The following SRGAP3 variants were observed in gnomAD, a reference collection of about 807,000 sequenced individuals.
The protein encoded by SRGAP3 is SLIT-ROBO Rho GTPase-activating protein 3.
SRGAP3 carries 39 observed loss-of-function variants against 121.1 expected under a neutral mutation model. That is an observed-to-expected ratio of 0.32 (90% CI 0.25 to 0.42). The LOEUF is 0.42. Among genes scored for constraint, SRGAP3 ranks in the 10% least tolerant of loss-of-function variants. SRGAP3 has a pLI of 1.00. For synonymous variants in SRGAP3, 601 were observed against 570.0 expected (o/e 1.05, Z -0.77); for missense variants, 1,213 against 1,470.6 (o/e 0.82, Z 2.86).
At chr3:9,335,919 A>G (rs1280827244) in intron 1 of SRGAP3, among the ~76,000 whole-genome samples, 1 of 152,108 alleles carries the variant, frequency 6.6e-6, no homozygotes, top group Non-Finnish European at 1.5e-5. Flanking sequence ...GAATTTTTAA[A>G]TGACTCTAAT....
At chr3:9,110,911 G>A (rs1948600342) in intron 2 of SRGAP3, among the ~76,000 whole-genome samples, 1 of 152,248 alleles carries the variant, frequency 6.6e-6, no homozygotes, top group African/African-American at 2.4e-5. Flanking sequence ...AAAGCCACCT[G>A]GACGTGGGCA....
At chr3:9,078,282 T>C (rs2669990) in intron 4 of SRGAP3, among the ~76,000 whole-genome samples, 55,599 of 151,830 alleles carry the variant, frequency 0.37, 10,517 homozygotes, top group East Asian at 0.54. Flanking sequence ...TCCCAGGACA[T>C]TGGGGCTAAG....
chr3:9,345,658 C>T (rs1955874388), intron 1 of SRGAP3, among the ~76,000 whole-genome samples: 1 of 151,180 alleles, frequency 6.6e-6, no homozygotes, highest in African/African-American at 2.4e-5. Context: ...TGGTGGCAGG[C>T]ACCTGTAATC....
upstream of SRGAP3, among the ~76,000 whole-genome samples, chr3:9,253,887 A>T (rs1954069064): frequency 6.6e-6 from 1 of 152,236 alleles, no homozygotes; most frequent in Non-Finnish European, 1.5e-5. Flanking sequence ...TTCATTGGTA[A>T]GGAAATACGT....
At chr3:9,241,356 A>G (rs1413872064) in intron 1 of SRGAP3, among the ~76,000 whole-genome samples, 1 of 152,238 alleles carries the variant, frequency 6.6e-6, no homozygotes, top group Non-Finnish European at 1.5e-5. Flanking sequence ...TGTCATCTCC[A>G]ACATATAAAC....
chr3:9,279,715 A>T (rs367839840), intron 3 of SRGAP3, among the ~76,000 whole-genome samples: 4 of 151,904 alleles, frequency 2.6e-5, no homozygotes, highest in Non-Finnish European at 5.9e-5. Flanking sequence ...GGGTTTCACC[A>T]TCTTGACCAA....
intron 1 of SRGAP3, among the ~76,000 whole-genome samples, chr3:9,208,980 G>GC (rs1361294483): frequency 6.6e-6 from 1 of 152,236 alleles, no homozygotes; most frequent in Non-Finnish European, 1.5e-5. Context: ...TCACTTCTCA[G>GC]ATTTCACACT....
At chr3:9,358,879 C>G (rs539678820) in intron 1 of SRGAP3, among the ~76,000 whole-genome samples, 2 of 152,202 alleles carry the variant, frequency 1.3e-5, no homozygotes, top group East Asian at 3.9e-4. Context: ...GGGCCCTTGG[C>G]CCTCTGAAGG....
chr3:9,132,913 C>CTCTG (rs3067666), intron 1 of SRGAP3, among the ~76,000 whole-genome samples: 74,922 of 150,808 alleles, frequency 0.5, 20,772 homozygotes, highest in South Asian at 0.62. Context: ...TTACTCCCAC[C>CTCTG]TCTATCAACC....
chr3:9,047,446 G>A lies in SRGAP3; in HGVS notation c.1353C>T (p.Asn451=), dbSNP rs1305207359. The A allele has an allele frequency of 6.2e-7, 1 of 1,614,172 alleles. No homozygotes were observed. Among genetic ancestry groups the A allele is most frequent in the South Asian group, 1.1e-5 (1 of 91,082 alleles). The change falls in exon 10 of 22, where the codon AAC becomes AAT. Residue 451 remains asparagine (N), a synonymous_variant. Transcript: ENST00000383836. ...GCTTGGCCTGCAGCTTGGTGATGAG[G>A]TTACTGCCATTCACATACTCTTTAA... ...TKFKEYVNGS[N]LITKLQAKHD...
At chr3:9,167,058 C>T (rs538373318) in intron 1 of SRGAP3, among the ~76,000 whole-genome samples, 48 of 152,288 alleles carry the variant, frequency 3.2e-4, no homozygotes, top group Non-Finnish European at 4.9e-4. Flanking sequence ...CCCTAGTCCT[C>T]GGGCTCTTAA....
intron 18 of SRGAP3, among the ~76,000 whole-genome samples, chr3:8,998,229 C>T (rs1474591932): frequency 1.3e-5 from 2 of 152,214 alleles, no homozygotes; most frequent in African/African-American, 2.4e-5. Flanking sequence ...CAAGTGTCTT[C>T]CCTTTACAGG....
At chr3:9,321,027 G>A (rs189107068) in intron 3 of SRGAP3, among the ~76,000 whole-genome samples, 60 of 151,622 alleles carry the variant, frequency 4.0e-4, no homozygotes, top group African/African-American at 1.3e-3. Flanking sequence ...ATAGAACGTG[G>A]TGGAAGTAAT....
chr3:9,313,406 T>G (rs1290716038), intron 3 of SRGAP3, among the ~76,000 whole-genome samples: 1 of 152,138 alleles, frequency 6.6e-6, no homozygotes, highest in Non-Finnish European at 1.5e-5. Context: ...AGCTCATAAT[T>G]GGCCAGGCAT....
intron 1 of SRGAP3, among the ~76,000 whole-genome samples, chr3:9,189,318 A>C (rs1951686916): frequency 1.3e-5 from 2 of 152,242 alleles, no homozygotes; most frequent in African/African-American, 4.8e-5. Context: ...AGGTTAGGAA[A>C]TGTTTCAGCT....
At chr3:9,136,758 A>G (rs1040212591) in intron 1 of SRGAP3, among the ~76,000 whole-genome samples, 1 of 152,190 alleles carries the variant, frequency 6.6e-6, no homozygotes, top group Non-Finnish European at 1.5e-5. Context: ...CTGATGCCAG[A>G]GTCCACCGGA....
chr3:9,283,910 C>T (rs186217290), intron 3 of SRGAP3, among the ~76,000 whole-genome samples: 403 of 152,312 alleles, frequency 2.6e-3, no homozygotes, highest in African/African-American at 7.0e-3. Flanking sequence ...TGGAGAAGGG[C>T]TGTCCCTCCA....
At chr3:9,227,021 G>T (rs762046091) in intron 1 of SRGAP3, among the ~76,000 whole-genome samples, 1 of 152,124 alleles carries the variant, frequency 6.6e-6, no homozygotes. Context: ...AGCCAAGCAG[G>T]CAACAGAAAT....
chr3:9,047,527 G>T, intron 9 of SRGAP3, 52 bp from the exon 10 acceptor site: 1 of 1,555,028 alleles, frequency 6.4e-7, no homozygotes, highest in Non-Finnish European at 8.9e-7. Flanking sequence ...CGAGTAATGG[G>T]ATCTCTGCCT....
Sources: gnomAD v4.1 joint callset for allele counts (sites outside exome capture counted in the v4.1 genomes callset) on GRCh38, gnomAD v4.1.1 for gene constraint, MANE v1.5 for transcripts, NCBI Gene and HGNC (gene_info 2026-07-23, HGNC 2026-07-21) for gene names.